PLXNA4: variants seen among roughly 807,000 people sequenced by gnomAD.
PLXNA4 encodes the protein plexin A4.
In PLXNA4, 44 loss-of-function variants were observed where a neutral mutation model predicts 191.8. The ratio of observed to expected loss-of-function variants is 0.23; its 90% CI spans 0.18 to 0.29. The LOEUF (loss-of-function observed/expected upper bound fraction) is 0.29. Among genes scored for constraint, PLXNA4 ranks in the 10% least tolerant of loss-of-function variants. PLXNA4 has a pLI of 1.00. For synonymous variants in PLXNA4, 1,082 were observed against 1,009.5 expected, an observed-to-expected ratio of 1.07 and a Z score of -1.36; for missense variants, 1,800 against 2,488.8, an observed-to-expected ratio of 0.72 and a Z score of 5.89.
intron 25 of PLXNA4, among the ~76,000 whole-genome samples, chr7:132,158,563 G>A (rs1022224785): frequency 1.3e-5 from 2 of 152,192 alleles, no homozygotes; most frequent in Non-Finnish European, 2.9e-5. Context: ...ATCACACACT[G>A]CATTAAAGAC....
intron 2 of PLXNA4, among the ~76,000 whole-genome samples, chr7:132,633,844 C>T (rs538873994): frequency 1.8e-4 from 27 of 152,188 alleles, no homozygotes; most frequent in African/African-American, 6.0e-4. Flanking sequence ...ACCTGTGATT[C>T]GCCTCCTCCC....
intron 13 of PLXNA4, among the ~76,000 whole-genome samples, chr7:132,196,337 C>G (rs1349865394): frequency 6.6e-6 from 1 of 152,190 alleles, no homozygotes; most frequent in East Asian, 1.9e-4. Flanking sequence ...TGTGGCCAGT[C>G]TTGCTTTTCT....
At chr7:132,140,871 G>T (rs1290125801) in intron 29 of PLXNA4, 60 bp from the exon 30 acceptor site, 1 of 1,589,964 alleles carries the variant, frequency 6.3e-7, no homozygotes, top group Non-Finnish European at 8.6e-7. Flanking sequence ...TGTGGTGTGG[G>T]TAGGAGGGGT....
chr7:132,373,043 C>T (rs1342589120), intron 3 of PLXNA4, among the ~76,000 whole-genome samples: 1 of 152,134 alleles, frequency 6.6e-6, no homozygotes, highest in Admixed American at 6.5e-5. Flanking sequence ...GAGGGCTTAC[C>T]ATCCATTATC....
intron 1 of PLXNA4, among the ~76,000 whole-genome samples, chr7:132,544,149 A>C (rs1000308485): frequency 6.6e-5 from 10 of 152,336 alleles, no homozygotes; most frequent in African/African-American, 2.4e-4. Flanking sequence ...CAGACAAGGG[A>C]AAGAGATTAT....
At chr7:132,241,732 G>T (rs1317466167) in intron 4 of PLXNA4, among the ~76,000 whole-genome samples, 1 of 152,006 alleles carries the variant, frequency 6.6e-6, no homozygotes, top group Non-Finnish European at 1.5e-5. Context: ...GCTGTTACTT[G>T]CCCGCTCTTT....
intron 1 of PLXNA4, among the ~76,000 whole-genome samples, chr7:132,565,932 C>T (rs1801703072): frequency 6.6e-6 from 1 of 152,180 alleles, no homozygotes; most frequent in Non-Finnish European, 1.5e-5. Context: ...CTTACAACTG[C>T]TTCATCATAG....
rs867449389 is a variant in PLXNA4 at position 132,312,203 on chromosome 7, A to G, written c.1372-13981T>C. On this transcript the variant is annotated intron_variant, in intron 3 of 31. Coordinates refer to ENST00000321063, the MANE Select transcript of PLXNA4 (RefSeq NM_020911.2). Reference sequence around the variant, plus strand: ...GCCTGTATGGGTTACTCCTTCTGCCAGAAGCCTGTGGAGTTAGTTGCAGAG... The same window carrying G: ...GCCTGTATGGGTTACTCCTTCTGCCGGAAGCCTGTGGAGTTAGTTGCAGAG... 4.0e-5 allele frequency among the ~76,000 whole-genome samples: 6 copies of G among 149,862 alleles called. No homozygotes were observed. The South Asian group carries it at 1.0e-3, about 26-fold the overall frequency.
chr7:132,203,320 C>T lies in PLXNA4; in HGVS notation c.2395+3G>A. The T allele has an allele frequency of 6.2e-7, 1 of 1,609,530 alleles. No individual in the cohort carries two copies. Among genetic ancestry groups the T allele is most frequent in the Non-Finnish European group, 8.5e-7 (1 of 1,175,954 alleles). ...CCCCTGCTAGGCCCCAGCCCTTCCA[C>T]ACCTTTATTCTGAGCTGGGTTGTCA... On this transcript the variant is annotated splice_donor_region_variant and intron_variant, in intron 11 of 31. Coordinates refer to ENST00000321063, the MANE Select transcript of PLXNA4 (RefSeq NM_020911.2).
rs1794804903 is a variant in PLXNA4 at position 132,127,607 on chromosome 7, T to C, written c.*2872A>G. On this transcript the variant is annotated 3_prime_UTR_variant, in exon 32 of 32. Transcript: ENST00000321063. ...AACAAACAGCAGAAGATAATTTTTA[T>C]AAGCAAGATGGGCTGTGGCTCTGGA... 1 of 152,116 alleles carries C rather than the reference T, an allele frequency of 6.6e-6. No homozygotes were observed. 9.4% of individuals were successfully genotyped at this position (152,116 alleles called of 1,614,324 possible).
intron 2 of PLXNA4, among the ~76,000 whole-genome samples, chr7:132,633,134 C>T (rs867182213): frequency 6.6e-6 from 1 of 151,880 alleles, no homozygotes; most frequent in Admixed American, 6.6e-5. Context: ...GGGAGGTGGG[C>T]GAAGAGATGG....
intron 4 of PLXNA4, among the ~76,000 whole-genome samples, chr7:132,288,976 G>GGGGGTCCC (rs1197977670): frequency 1.3e-5 from 2 of 152,178 alleles, no homozygotes; most frequent in African/African-American, 2.4e-5. Context: ...TCATCACACA[G>GGGGGTCCC]GGGGTCCCTG....
chr7:132,206,147 T>G (rs1241771573), intron 10 of PLXNA4, among the ~76,000 whole-genome samples: 1 of 152,152 alleles, frequency 6.6e-6, no homozygotes, highest in African/African-American at 2.4e-5. Flanking sequence ...GTTTCCCCAT[T>G]GGTAAAGTGG....
intron 5 of PLXNA4, among the ~76,000 whole-genome samples, chr7:132,238,520 C>T (rs1295597217): frequency 6.6e-6 from 1 of 152,220 alleles, no homozygotes; most frequent in East Asian, 1.9e-4. Flanking sequence ...CACTGTGGCT[C>T]CTTGAGCAAC....
At chr7:132,515,222 G>C (rs1273905480) in intron 1 of PLXNA4, among the ~76,000 whole-genome samples, 1 of 152,144 alleles carries the variant, frequency 6.6e-6, no homozygotes, top group Non-Finnish European at 1.5e-5. Flanking sequence ...GAGAGCAGGG[G>C]ACAGGAGCCT....
chr7:132,232,439 A>G (rs1798555321), intron 5 of PLXNA4, among the ~76,000 whole-genome samples: 1 of 152,170 alleles, frequency 6.6e-6, no homozygotes, highest in South Asian at 2.1e-4. Context: ...TCAGATGGCC[A>G]GCAGGAAGCC....
chr7:132,142,057 T>C (rs568712029), intron 29 of PLXNA4, among the ~76,000 whole-genome samples: 1 of 152,274 alleles, frequency 6.6e-6, no homozygotes, highest in East Asian at 1.9e-4. Context: ...GGGTGAGGCC[T>C]GGAGGAAGGT....
chr7:132,563,732 T>G, intron 1 of PLXNA4, among the ~76,000 whole-genome samples: 1 of 108,112 alleles, frequency 9.2e-6, no homozygotes, highest in Non-Finnish European at 1.9e-5. Flanking sequence ...CTCTTCCTCT[T>G]CCTCCTCCTC....
At position 132,254,806 on chromosome 7, in the gene PLXNA4, C is replaced by T. The variant is rs201203769; in HGVS notation, c.1504-13640G>A. The stretch of plus-strand genomic sequence containing the variant: ...GATAATGCATCCATTTCACATTTTG[C>T]GCATCTGGGGAGTCTGATCTATATC... On this transcript the variant is annotated intron_variant, in intron 4 of 31. Transcript: ENST00000321063. Among the ~76,000 whole-genome samples, 24 of 152,224 alleles carry T rather than the reference C, an allele frequency of 1.6e-4. No individual in the cohort carries two copies. In the East Asian group the frequency reaches 2.5e-3, roughly 16 times the overall value.
Sources: allele counts gnomAD v4.1 joint callset (sites outside exome capture counted in the v4.1 genomes callset), GRCh38; gene constraint gnomAD v4.1.1; transcripts MANE v1.5; gene names NCBI Gene and HGNC (gene_info 2026-07-23, HGNC 2026-07-21).